The following DYNC2H1 variants were observed in gnomAD, a reference collection of about 807,000 sequenced individuals.
DYNC2H1 encodes the protein dynein cytoplasmic 2 heavy chain 1.
Under a neutral mutation model 570.0 loss-of-function variants are expected in DYNC2H1, and 410 were observed. That is an observed-to-expected ratio of 0.72 (90% CI 0.66 to 0.78). The LOEUF is 0.78. Ranked by LOEUF, DYNC2H1 falls within the 30% of genes least tolerant of loss-of-function variation. The pLI, the probability that DYNC2H1 is intolerant of heterozygous loss-of-function variation, is 0.00. For synonymous variants in DYNC2H1, 1,688 were observed against 1,677.6 expected (o/e 1.01, Z -0.15); for missense variants, 4,865 against 5,046.4 (o/e 0.96, Z 1.09).
At chr11:103,431,926 G>A (rs1378163553) in intron 84 of DYNC2H1, among the ~76,000 whole-genome samples, 3 of 152,096 alleles carry the variant, frequency 2.0e-5, no homozygotes, top group Non-Finnish European at 4.4e-5. Context: ...TTCTGTTGAC[G>A]AATGCTGGCT....
At chr11:103,413,945 ATTC>A (rs1451438397) in intron 84 of DYNC2H1, among the ~76,000 whole-genome samples, 1 of 152,110 alleles carries the variant, frequency 6.6e-6, no homozygotes, top group Non-Finnish European at 1.5e-5. Flanking sequence ...GTCCTTTTTC[ATTC>A]ATTTAGCAAA....
intron 40 of DYNC2H1, 125 bp downstream of exon 40, chr11:103,182,011 G>C: frequency 1.1e-6 from 1 of 948,502 alleles, no homozygotes; most frequent in Non-Finnish European, 1.5e-6. Context: ...GGTGGATTTT[G>C]TCACTGCTAC....
At position 103,170,754 on chromosome 11, in the gene DYNC2H1, T is replaced by A. The variant is rs1284878596; in HGVS notation, c.5152-132T>A. On this transcript the variant is annotated intron_variant, in intron 33 of 88. Coordinates refer to ENST00000375735, the MANE Select transcript of DYNC2H1 (RefSeq NM_001377.3). The surrounding 1 kb of genome is among the most constrained non-coding windows in gnomAD (Gnocchi z 4.8). ...TTTGAAAGAGTAGCTACTTAATCCG[T>A]ATTTTAAAATGAGCAAAAGAGGCAT... The A allele has an allele frequency of 1.2e-6, 1 of 866,328 alleles. No individual in the cohort carries two copies. Among genetic ancestry groups the A allele is most frequent in the Non-Finnish European group, 1.6e-6 (1 of 635,040 alleles). The allele number at this position is 866,328 out of a possible 1,614,324, so 53.7% of individuals were successfully genotyped here.
At chr11:103,138,407 G>C (rs1055322927) in intron 17 of DYNC2H1, among the ~76,000 whole-genome samples, 3 of 151,728 alleles carry the variant, frequency 2.0e-5, no homozygotes, top group Admixed American at 2.0e-4. Flanking sequence ...ATCTCATCAA[G>C]AGTTTTTAGC....
At chr11:103,390,125 G>T (rs1314439581) in intron 83 of DYNC2H1, among the ~76,000 whole-genome samples, 1 of 152,064 alleles carries the variant, frequency 6.6e-6, no homozygotes, top group Non-Finnish European at 1.5e-5. Context: ...TTATTGTGTG[G>T]GAGTCTAAGT....
At chr11:103,212,734 T>C (rs1009367163) in intron 54 of DYNC2H1, among the ~76,000 whole-genome samples, 1 of 152,140 alleles carries the variant, frequency 6.6e-6, no homozygotes, top group African/African-American at 2.4e-5. Flanking sequence ...GTAGGCTCCA[T>C]CTTAATTGAC....
chr11:103,117,874 G>A lies in DYNC2H1; in HGVS notation c.999+11G>A. On this transcript the variant is annotated intron_variant, in intron 6 of 88. Transcript: ENST00000375735. ...AAACGCCTTGAAGAGGTATCAATTTGATTATCTAGATCTTTGTCTTTAAAT... is the reference window on the plus strand; with the variant it reads ...AAACGCCTTGAAGAGGTATCAATTTAATTATCTAGATCTTTGTCTTTAAAT... The A allele has an allele frequency of 6.3e-7, 1 of 1,594,958 alleles. No homozygotes were observed. The highest frequency in any genetic ancestry group is 8.6e-7 in the Non-Finnish European group (1 of 1,166,758).
chr11:103,330,109 T>A (rs1938699314), intron 82 of DYNC2H1, among the ~76,000 whole-genome samples: 1 of 152,200 alleles, frequency 6.6e-6, no homozygotes, highest in Non-Finnish European at 1.5e-5. Context: ...TGAATAAAAA[T>A]AGTCCCTGTT....
At chr11:103,410,750 A>T (rs1943052386) in intron 84 of DYNC2H1, among the ~76,000 whole-genome samples, 1 of 152,116 alleles carries the variant, frequency 6.6e-6, no homozygotes, top group African/African-American at 2.4e-5. Flanking sequence ...TATTGAGGGC[A>T]GATCTTAAAC....
At chr11:103,211,483 A>G (rs894109240) in intron 53 of DYNC2H1, among the ~76,000 whole-genome samples, 1 of 152,078 alleles carries the variant, frequency 6.6e-6, no homozygotes, top group Non-Finnish European at 1.5e-5. Context: ...TATAGTCCCA[A>G]TTAATTTATA....
rs1938047566 is a variant in DYNC2H1, at chr11:103,319,437, C to A, written c.11726-1592C>A. 6.6e-6 allele frequency among the ~76,000 whole-genome samples: 1 copy of A among 152,062 alleles called. No homozygotes were observed. Among genetic ancestry groups the A allele is most frequent in the South Asian group, 2.1e-4 (1 of 4,828 alleles). On this transcript the variant is annotated intron_variant, in intron 80 of 88. Transcript: ENST00000375735. This position sits in a 1 kb window ranked among gnomAD's most constrained non-coding sequence, Gnocchi z 4.3. ...TTTCCTAATCTTTAAGCCTGAGTTT[C>A]CTGATCTTTAAATTAGGAATGATAG...
chr11:103,253,097 A>T (rs956480333), intron 65 of DYNC2H1, among the ~76,000 whole-genome samples, 188 bp from the exon 66 acceptor site: 10 of 152,214 alleles, frequency 6.6e-5, no homozygotes, highest in African/African-American at 2.2e-4. Flanking sequence ...AATATTATTT[A>T]TCATTGCTTG....
chr11:103,351,786 T>C (rs1002466159), intron 82 of DYNC2H1, among the ~76,000 whole-genome samples: 1 of 152,182 alleles, frequency 6.6e-6, no homozygotes, highest in African/African-American at 2.4e-5. Context: ...TAACATTATT[T>C]GGAAAATGTT....
rs192742218 is a variant in DYNC2H1 at position 103,323,643 on chromosome 11, G to A, written c.11935-243G>A. Among the ~76,000 whole-genome samples the A allele has an allele frequency of 9.9e-5, 15 of 152,138 alleles. No individual in the cohort carries two copies. The East Asian group carries it at 2.9e-3, about 29-fold the overall frequency. ...TCAAATATGTTGTAAATAATTCGGAGTCCCTTTGTATGTGGGAGTTATGAT... is the reference window on the plus strand; with the variant it reads ...TCAAATATGTTGTAAATAATTCGGAATCCCTTTGTATGTGGGAGTTATGAT... On this transcript the variant is annotated intron_variant, in intron 81 of 88. Coordinates refer to ENST00000375735, the MANE Select transcript of DYNC2H1 (RefSeq NM_001377.3).
At chr11:103,303,346 G>C in intron 76 of DYNC2H1, 93 bp downstream of exon 76, 1 of 1,324,706 alleles carries the variant, frequency 7.5e-7, no homozygotes, top group African/African-American at 1.5e-5. Flanking sequence ...GTTGTGATAA[G>C]CCAAATAATG....
At chr11:103,294,180 A>G (rs1483822182) in intron 75 of DYNC2H1, among the ~76,000 whole-genome samples, 1 of 152,202 alleles carries the variant, frequency 6.6e-6, no homozygotes, top group East Asian at 1.9e-4. Flanking sequence ...GAGAGGTTAC[A>G]TATCTCTGTT....
chr11:103,265,098 A>C (rs1263352592), intron 70 of DYNC2H1, among the ~76,000 whole-genome samples: 1 of 152,196 alleles, frequency 6.6e-6, no homozygotes, highest in East Asian at 1.9e-4. Context: ...ATTCTCAGCA[A>C]ACTAACACAG....
chr11:103,162,287 GA>G (rs767432760), intron 29 of DYNC2H1, among the ~76,000 whole-genome samples: 4 of 149,616 alleles, frequency 2.7e-5, no homozygotes, highest in Non-Finnish European at 5.9e-5. Flanking sequence ...TCTACAGATT[GA>G]AAAAAAAAGC....
Position 103,163,235 on chromosome 11 carries a change from T to C in DYNC2H1, c.4611+88T>C, listed in dbSNP as rs752511257. ...AGCCAGGAGGCTCAGATAAATCGCA[T>C]CTGTTTTCTCCCTTTATCTAACAGT... On this transcript the variant is annotated intron_variant, in intron 30 of 88. Coordinates refer to ENST00000375735, the MANE Select transcript of DYNC2H1 (RefSeq NM_001377.3). The surrounding 1 kb of genome is among the most constrained non-coding windows in gnomAD (Gnocchi z 4.6). 7.0e-7 allele frequency: 1 copy of C among 1,423,762 alleles called. No homozygotes were observed. Among genetic ancestry groups the C allele is most frequent in the Non-Finnish European group, 9.4e-7 (1 of 1,063,940 alleles). 88.2% of individuals were successfully genotyped at this position (1,423,762 alleles called of 1,614,324 possible).
Sources: gnomAD v4.1 joint callset for allele counts (sites outside exome capture counted in the v4.1 genomes callset) on GRCh38, gnomAD v4.1.1 for gene constraint, Gnocchi (gnomAD v3.1) non-coding constraint, MANE v1.5 for transcripts, NCBI Gene and HGNC (gene_info 2026-07-23, HGNC 2026-07-21) for gene names.